The following ZNF704 variants were observed in gnomAD, a reference collection of about 807,000 sequenced individuals.
ZNF704 encodes the protein glucocorticoid induced gene 1.
ZNF704 carries 10 observed loss-of-function variants against 44.7 expected under a neutral mutation model. That is an observed-to-expected ratio of 0.22 (90% CI 0.14 to 0.38). The LOEUF (loss-of-function observed/expected upper bound fraction) is 0.38, where lower values mean the gene tolerates loss of function less well. Among genes scored for constraint, ZNF704 ranks in the 10% least tolerant of loss-of-function variants. ZNF704 has a pLI of 1.00. For missense variants in ZNF704, 390 were observed against 545.5 expected, an observed-to-expected ratio of 0.71 and a Z score of 2.84; for synonymous variants, 211 against 207.6, an observed-to-expected ratio of 1.02 and a Z score of -0.14.
intron 2 of ZNF704, among the ~76,000 whole-genome samples, chr8:80,803,388 T>C (rs117077679): frequency 1.6e-3 from 245 of 152,128 alleles, no homozygotes; most frequent in Non-Finnish European, 2.7e-3. Flanking sequence ...CAGTCCTAAG[T>C]AAAATGAACA....
rs926342319 is a variant in ZNF704, at chr8:80,649,772, T to G, written c.1033-6643A>C. Among the ~76,000 whole-genome samples, 8 of 152,250 alleles carry G rather than the reference T, an allele frequency of 5.3e-5. No homozygotes were observed. In the South Asian group the frequency reaches 6.2e-4, roughly 12 times the overall value. On this transcript the variant is annotated intron_variant, in intron 7 of 8. Transcript: ENST00000327835. ...GCCAAACAAAAGGCAGCAGAAAACT[T>G]TGCAGACTTAAATGTCCCTGTCTGA...
At chr8:80,674,409 G>A (rs1818329727) in intron 4 of ZNF704, among the ~76,000 whole-genome samples, 1 of 152,204 alleles carries the variant, frequency 6.6e-6, no homozygotes, top group Non-Finnish European at 1.5e-5. Flanking sequence ...TGGTTCTGCA[G>A]GCTGCATATG....
At chr8:80,710,581 C>A (rs901674697) in intron 2 of ZNF704, among the ~76,000 whole-genome samples, 1 of 152,040 alleles carries the variant, frequency 6.6e-6, no homozygotes, top group South Asian at 2.1e-4. Context: ...AGTTAGGTTT[C>A]GATGAGGTCA....
intron 2 of ZNF704, among the ~76,000 whole-genome samples, chr8:80,726,924 C>A (rs535008978): frequency 2.0e-5 from 3 of 152,088 alleles, no homozygotes; most frequent in Non-Finnish European, 4.4e-5. Context: ...AATGATCACT[C>A]ATTTATTGAG....
intron 4 of ZNF704, among the ~76,000 whole-genome samples, chr8:80,675,006 A>G (rs1049762528): frequency 1.3e-5 from 2 of 152,224 alleles, no homozygotes; most frequent in Non-Finnish European, 2.9e-5. Context: ...ATTAAACCAA[A>G]TATCTATTTA....
At chr8:80,692,948 A>G (rs1210050937) in intron 3 of ZNF704, 56 bp downstream of exon 3, 5 of 1,473,092 alleles carry the variant, frequency 3.4e-6, no homozygotes. Flanking sequence ...TCTCAAAGAA[A>G]GGCCCTGCTC....
intron 2 of ZNF704, among the ~76,000 whole-genome samples, chr8:80,705,062 C>A (rs1473968313): frequency 6.6e-6 from 1 of 152,108 alleles, no homozygotes; most frequent in Non-Finnish European, 1.5e-5. Context: ...GGAGGACACC[C>A]CCCTGCAGAA....
rs184840924 is a variant in ZNF704, at chr8:80,750,960, G to A, written c.222-57853C>T. Among the ~76,000 whole-genome samples the A allele has an allele frequency of 2.6e-4, 40 of 152,170 alleles. No homozygotes were observed. In the East Asian group the frequency reaches 5.2e-3, roughly 20 times the overall value. On this transcript the variant is annotated intron_variant, in intron 2 of 8. Coordinates refer to ENST00000327835, the MANE Select transcript of ZNF704 (RefSeq NM_001033723.3). ...TGACTGTTCCTAAACAAATCTTTTC[G>A]ACTAAAAATCAGTTTAGGAAAAATA...
intron 2 of ZNF704, among the ~76,000 whole-genome samples, chr8:80,738,579 T>TTTTTCTTTACTGAA (rs1173727222): frequency 6.6e-6 from 1 of 151,992 alleles, no homozygotes; most frequent in Non-Finnish European, 1.5e-5. Flanking sequence ...AGTCTTTTTT[T>TTTTTCTTTACTGAA]TTTTCTTTAC....
chr8:80,743,334 G>A (rs1806794683), intron 2 of ZNF704, among the ~76,000 whole-genome samples: 1 of 151,996 alleles, frequency 6.6e-6, no homozygotes, highest in African/African-American at 2.4e-5. Context: ...ATGAGGCATA[G>A]GTACTCAGGC....
At chr8:80,787,807 C>A (rs902285903) in intron 2 of ZNF704, among the ~76,000 whole-genome samples, 2 of 152,034 alleles carry the variant, frequency 1.3e-5, no homozygotes, top group African/African-American at 4.8e-5. Context: ...CCAAAAGCAC[C>A]ACCAGTATGT....
Position 80,672,086 on chromosome 8 carries a change from C to A in ZNF704, c.559-1483G>T, listed in dbSNP as rs569117470. ...GAAAAAAACATTAAATATTTTGTAA[C>A]CCCATTAAAAAGTGGTCAAAGGACA... On this transcript the variant is annotated intron_variant, in intron 4 of 8. Transcript: ENST00000327835. Among the ~76,000 whole-genome samples the A allele has an allele frequency of 2.1e-4, 32 of 152,066 alleles. 1 individual carries two copies. Among genetic ancestry groups the A allele is most frequent in the Admixed American group, 1.6e-3 (24 of 15,282 alleles).
intron 6 of ZNF704, among the ~76,000 whole-genome samples, chr8:80,661,361 C>T (rs550972650): frequency 6.6e-6 from 1 of 152,198 alleles, no homozygotes; most frequent in East Asian, 1.9e-4. Flanking sequence ...TAAATTAATA[C>T]ACCTATTATG....
intron 2 of ZNF704, among the ~76,000 whole-genome samples, chr8:80,750,393 C>T (rs1373709601): frequency 6.6e-6 from 1 of 151,688 alleles, no homozygotes; most frequent in Admixed American, 6.6e-5. Context: ...AATAACATAT[C>T]TTATTTAGTA....
chr8:80,654,076 A>G (rs1343765297), intron 7 of ZNF704, among the ~76,000 whole-genome samples: 1 of 152,236 alleles, frequency 6.6e-6, no homozygotes, highest in Non-Finnish European at 1.5e-5. Context: ...CCTGACAAAA[A>G]CAAGAAATGG....
At position 80,629,191 on chromosome 8, in the gene ZNF704, C is replaced by CA. The variant is rs1817547152; in HGVS notation, c.*12174dup. 1 of 152,174 alleles carries CA rather than the reference C, an allele frequency of 6.6e-6. No individual in the cohort carries two copies. Among genetic ancestry groups the CA allele is most frequent in the South Asian group, 2.1e-4 (1 of 4,826 alleles). 9.4% of individuals were successfully genotyped at this position (152,174 alleles called of 1,614,324 possible). ...CTATGTACAATGTGCCAGAAGCTGG[C>CA]AAGGAGCATGGCTGTGGAGCAGTCA... is the stretch of plus-strand genomic sequence containing the variant. On this transcript the variant is annotated 3_prime_UTR_variant, in exon 9 of 9. Coordinates refer to ENST00000327835, the MANE Select transcript of ZNF704 (RefSeq NM_001033723.3).
intron 2 of ZNF704, among the ~76,000 whole-genome samples, chr8:80,721,441 G>C (rs767391352): frequency 1.3e-5 from 2 of 152,108 alleles, no homozygotes; most frequent in Non-Finnish European, 2.9e-5. Context: ...TTTTGCATTC[G>C]AAGTTTCACA....
chr8:80,713,712 C>A (rs1351361273), intron 2 of ZNF704, among the ~76,000 whole-genome samples: 2 of 152,144 alleles, frequency 1.3e-5, no homozygotes, highest in Non-Finnish European at 2.9e-5. Context: ...AGGGGAATCC[C>A]CTTAATCTAC....
At chr8:80,833,314 C>T (rs541526524) in intron 1 of ZNF704, among the ~76,000 whole-genome samples, 2 of 152,272 alleles carry the variant, frequency 1.3e-5, no homozygotes, top group African/African-American at 4.8e-5. Flanking sequence ...TGTGCCACTG[C>T]ACTCCAGCCT....
Sources: gnomAD v4.1 joint callset for allele counts (sites outside exome capture counted in the v4.1 genomes callset) on GRCh38, gnomAD v4.1.1 for gene constraint, MANE v1.5 for transcripts, NCBI Gene and HGNC (gene_info 2026-07-23, HGNC 2026-07-21) for gene names.